SKOR2: variants seen among roughly 807,000 people sequenced by gnomAD.
SKOR2 encodes LBX1 corepressor 1-like protein.
In SKOR2, 47 loss-of-function variants were observed where a neutral mutation model predicts 69.1. The observed-to-expected ratio is 0.68, with a 90% CI of 0.54 to 0.87. SKOR2 has a LOEUF of 0.87. SKOR2 is among the 40% of genes least tolerant of loss of function. The pLI, the probability that SKOR2 is intolerant of heterozygous loss-of-function variation, is 0.00. For synonymous variants in SKOR2, 717 were observed against 672.6 expected, an observed-to-expected ratio of 1.07 and a Z score of -1.02; for missense variants, 1,404 against 1,472.2, an observed-to-expected ratio of 0.95 and a Z score of 0.76.
chr18:47,249,993 T>C (rs180890325), intron 1 of SKOR2, among the ~76,000 whole-genome samples: 260 of 152,318 alleles, frequency 1.7e-3, no homozygotes, highest in African/African-American at 5.2e-3. Flanking sequence ...AAGTTGAAGA[T>C]GGTAGTCATT....
intron 6 of SKOR2, among the ~76,000 whole-genome samples, chr18:47,229,091 C>A (rs923543690): frequency 6.6e-6 from 1 of 152,186 alleles, no homozygotes; most frequent in African/African-American, 2.4e-5. Context: ...TACCAGGAAC[C>A]TGGTGCTATT....
intron 7 of SKOR2, 62 bp downstream of exon 7, chr18:47,219,881 T>G: frequency 7.2e-7 from 1 of 1,395,986 alleles, no homozygotes; most frequent in East Asian, 2.5e-5. Context: ...TTCATACATA[T>G]TGGGTAGTCT....
intron 3 of SKOR2, 98 bp from the exon 4 acceptor site, chr18:47,245,080 A>C (rs2064265685): frequency 2.2e-6 from 2 of 927,410 alleles, no homozygotes; most frequent in Admixed American, 5.1e-5. Context: ...GATGCTACTT[A>C]TTATATCTAA....
At chr18:47,217,834 C>T (rs1193372755) in intron 7 of SKOR2, among the ~76,000 whole-genome samples, 4 of 140,732 alleles carry the variant, frequency 2.8e-5, no homozygotes, top group Admixed American at 2.3e-4. Flanking sequence ...TATATGATAC[C>T]TACAAGGGCA....
intron 4 of SKOR2, among the ~76,000 whole-genome samples, chr18:47,235,553 G>C (rs2064218591): frequency 6.6e-6 from 1 of 152,122 alleles, no homozygotes; most frequent in Non-Finnish European, 1.5e-5. Flanking sequence ...GGAGACCAGA[G>C]AGCCTGGAAT....
At position 47,249,068 on chromosome 18, in the gene SKOR2, T is replaced by G; in HGVS notation, c.116A>C (p.Asn39Thr). The G allele has an allele frequency of 6.5e-7, 1 of 1,536,846 alleles. No individual in the cohort carries two copies. The highest frequency in any genetic ancestry group is 2.0e-5 in the Admixed American group (1 of 51,040). Residue 39 changes from asparagine to threonine, a missense_variant, in exon 2 of 9, where the codon AAC (asparagine) becomes ACC (threonine). Coordinates refer to ENST00000425639, the MANE Select transcript of SKOR2 (RefSeq NM_001278063.4). ...GTAGAGGATCACCTGGCCCACCTGG[T>G]TGGGTTTGAGGTTGGCGTGCCCTGG... ...PRPGHANLKP[N>T]QVGQVILYGI...
At chr18:47,230,395 T>C (rs2064193115) in intron 6 of SKOR2, 64 bp downstream of exon 6, 2 of 984,838 alleles carry the variant, frequency 2.0e-6, no homozygotes, top group Non-Finnish European at 2.7e-6. Context: ...ATCACATTCT[T>C]AAGCCTAATA....
intron 7 of SKOR2, among the ~76,000 whole-genome samples, chr18:47,214,848 T>A (rs1241152808): frequency 6.6e-6 from 1 of 152,064 alleles, no homozygotes; most frequent in Non-Finnish European, 1.5e-5. Context: ...TCCATGCAAA[T>A]CTCCTACAAT....
chr18:47,223,333 C>T (rs1452014407), intron 6 of SKOR2, among the ~76,000 whole-genome samples: 1 of 151,958 alleles, frequency 6.6e-6, no homozygotes, highest in Non-Finnish European at 1.5e-5. Context: ...TATGAAATAC[C>T]AAAATTTCCT....
intron 1 of SKOR2, among the ~76,000 whole-genome samples, chr18:47,250,962 G>T (rs1447961253): frequency 6.6e-6 from 1 of 152,018 alleles, no homozygotes; most frequent in Non-Finnish European, 1.5e-5. Flanking sequence ...CCAGCAAGGC[G>T]CGCGGCTGGC....
intron 7 of SKOR2, among the ~76,000 whole-genome samples, chr18:47,218,847 G>C (rs988030166): frequency 6.6e-6 from 1 of 152,158 alleles, no homozygotes; most frequent in Non-Finnish European, 1.5e-5. Context: ...ACCAACATGA[G>C]AAGAAAATCT....
chr18:47,225,485 A>G (rs2137287), intron 6 of SKOR2, among the ~76,000 whole-genome samples: 99,628 of 152,088 alleles, frequency 0.66, 33,521 homozygotes, highest in African/African-American at 0.83. Flanking sequence ...AGTATGCTAC[A>G]TACCCACAAT....
intron 3 of SKOR2, 50 bp from the exon 4 acceptor site, chr18:47,245,032 G>A: frequency 6.7e-7 from 1 of 1,486,348 alleles, no homozygotes; most frequent in Non-Finnish European, 8.9e-7. Flanking sequence ...ACTGACAAGA[G>A]GCACACAAAG....
At position 47,249,089 on chromosome 18, in the gene SKOR2, C is replaced by T; in HGVS notation, c.95G>A (p.Gly32Glu). 6.5e-7 allele frequency: 1 copy of T among 1,536,372 alleles called. No homozygotes were observed. Among genetic ancestry groups the T allele is most frequent in the Non-Finnish European group, 8.7e-7 (1 of 1,146,924 alleles). Residue 32 changes from glycine to glutamate, a missense_variant, in exon 2 of 9, where the codon GGG becomes GAG. This residue lies in a region of SKOR2 where 104 missense variants were observed against 95.7 expected (regional missense o/e 1.09). Coordinates refer to ENST00000425639, the MANE Select transcript of SKOR2 (RefSeq NM_001278063.4). ...CTGGTTGGGTTTGAGGTTGGCGTGCCCTGGCCGCGGCTGGCTCAGCGTGTC... is the reference window on the plus strand; with the variant it reads ...CTGGTTGGGTTTGAGGTTGGCGTGCTCTGGCCGCGGCTGGCTCAGCGTGTC... ...QPDTLSQPRPGHANLKPNQVG... is the reference protein window; with the variant it reads ...QPDTLSQPRPEHANLKPNQVG...
intron 4 of SKOR2, chr18:47,231,267 C>A: frequency 8.8e-7 from 1 of 1,138,736 alleles, no homozygotes. Context: ...CTCTCCAACC[C>A]CCTACCGCCA....
In SKOR2 at chr18:47,212,151, T is replaced by A. The variant is rs191994953; in HGVS notation, c.2986A>T (p.Ile996Phe). 6.5e-6 allele frequency: 8 copies of A among 1,231,960 alleles called. No individual in the cohort carries two copies. The East Asian group carries it at 2.2e-4, about 34-fold the overall frequency. 76.3% of individuals were successfully genotyped at this position (1,231,960 alleles called of 1,614,324 possible). A position where few individuals can be genotyped will look rare whatever the true frequency, so the allele number is the denominator to read the frequency against. Residue 996 changes from isoleucine (I) to phenylalanine (F), a missense_variant and splice_region_variant, in exon 8 of 9, where the codon ATC becomes TTC. Transcript: ENST00000425639. ...CTGATCAAACTTGCTGCATAGGGGA[T>A]CTGTAAGACAAAAACAAGCAACACC... ...REEMVQQLQI[I>F]PYAASLIRKE... is the part of the protein sequence containing the mutation.
Position 47,238,549 on chromosome 18 carries a change from C to T in SKOR2, c.2752+6359G>A, listed in dbSNP as rs576452284. On this transcript the variant is annotated intron_variant, in intron 4 of 8. Transcript: ENST00000425639. The stretch of plus-strand genomic sequence containing the variant: ...TGTTGGCCAGGCTGGTCTTGAACTC[C>T]TGACCTCAGGCAATCCACCTGCCTC... Among the ~76,000 whole-genome samples, 242 of 152,194 alleles carry T rather than the reference C, an allele frequency of 1.6e-3. 1 individual carries two copies. Among genetic ancestry groups the T allele is most frequent in the South Asian group, 2.9e-3 (14 of 4,826 alleles).
At position 47,212,150 on chromosome 18, in the gene SKOR2, A is replaced by G. The variant is rs1325618182; in HGVS notation, c.2987T>C (p.Ile996Thr). 18 of 1,231,794 alleles carry G rather than the reference A, an allele frequency of 1.5e-5. No individual in the cohort carries two copies. The highest frequency in any genetic ancestry group is 1.6e-5 in the Non-Finnish European group (16 of 987,864). The allele number at this position is 1,231,794 out of a possible 1,614,324, so 76.3% of individuals were successfully genotyped here. ...REEMVQQLQI[I>T]PYAASLIRKE... is the part of the protein sequence containing the mutation. ...CCTGATCAAACTTGCTGCATAGGGG[A>G]TCTGTAAGACAAAAACAAGCAACAC... The change falls in exon 8 of 9, where the codon ATC becomes ACC. Residue 996 changes from isoleucine to threonine, a missense_variant and splice_region_variant. Physicochemically the swap from Ile to Thr is moderately conservative, Grantham distance 89 (BLOSUM62 -1). Coordinates refer to ENST00000425639, the MANE Select transcript of SKOR2 (RefSeq NM_001278063.4).
At chr18:47,210,895 A>G (rs1463333487) in intron 8 of SKOR2, among the ~76,000 whole-genome samples, 1 of 152,156 alleles carries the variant, frequency 6.6e-6, no homozygotes, top group East Asian at 1.9e-4. Flanking sequence ...GCTTTGCAAC[A>G]TGAACATAAA....
Sources: gnomAD v4.1 joint callset for allele counts (sites outside exome capture counted in the v4.1 genomes callset) on GRCh38, gnomAD v4.1.1 for gene constraint, gnomAD v4.1.1 regional missense constraint, MANE v1.5 for transcripts, NCBI Gene and HGNC (gene_info 2026-07-23, HGNC 2026-07-21) for gene names.